The following SASH1 variants were observed in gnomAD, a reference collection of about 807,000 sequenced individuals.
SASH1 encodes SAM and SH3 domain containing 1, also known as SAM and SH3 domain-containing protein 1.
In SASH1, 44 loss-of-function variants were observed where a neutral mutation model predicts 125.2. The observed-to-expected ratio is 0.35, with a 90% CI of 0.28 to 0.45. SASH1 has a LOEUF of 0.45. SASH1 is among the 20% of genes least tolerant of loss of function. The probability of loss-of-function intolerance (pLI) is 1.00; values close to 1 mark genes in which losing one functional copy is unlikely to be tolerated. For synonymous variants in SASH1, 639 were observed against 649.1 expected, an observed-to-expected ratio of 0.98 and a Z score of 0.24; for missense variants, 1,426 against 1,614.5, an observed-to-expected ratio of 0.88 and a Z score of 2.00.
intron 1 of SASH1, among the ~76,000 whole-genome samples, chr6:148,351,782 G>C (rs1265298557): frequency 6.8e-6 from 1 of 146,114 alleles, no homozygotes; most frequent in Non-Finnish European, 1.5e-5. Context: ...GCCAACAATT[G>C]TTTTTAACCT....
intron 2 of SASH1, among the ~76,000 whole-genome samples, chr6:148,411,286 A>G (rs1784620662): frequency 6.6e-6 from 1 of 152,022 alleles, no homozygotes; most frequent in Non-Finnish European, 1.5e-5. Context: ...ATCAGTCACT[A>G]AATATTGATT....
At position 148,544,738 on chromosome 6, in the gene SASH1, G is replaced by A. The variant is rs778347430; in HGVS notation, c.3268G>A (p.Gly1090Arg). The change falls in exon 18 of 20, where the codon GGA becomes AGA. Residue 1090 changes from glycine (G) to arginine (R), a missense_variant. Physicochemically the swap from Gly to Arg is moderately radical, Grantham distance 125 (BLOSUM62 -2). This residue lies in a region of SASH1 where 634 missense variants were observed against 694.4 expected (regional missense o/e 0.91). Transcript: ENST00000367467. This position sits in a 1 kb window ranked among gnomAD's most constrained non-coding sequence, Gnocchi z 6.4. ...ALTRKVSCARGVDLETLTENK... is the reference protein window; with the variant it reads ...ALTRKVSCARRVDLETLTENK... ...GACCAGGAAGGTCTCCTGTGCCCGGGGAGTGGATCTAGAAACGCTCACTGA... is the reference window on the plus strand; with the variant it reads ...GACCAGGAAGGTCTCCTGTGCCCGGAGAGTGGATCTAGAAACGCTCACTGA... 2.5e-6 allele frequency: 4 copies of A among 1,608,394 alleles called. No homozygotes were observed. Among genetic ancestry groups the A allele is most frequent in the Non-Finnish European group, 3.4e-6 (4 of 1,177,234 alleles).
chr6:148,531,487 C>T, intron 12 of SASH1, 39 bp from the exon 13 acceptor site: 2 of 1,438,346 alleles, frequency 1.4e-6, no homozygotes, highest in Non-Finnish European at 1.8e-6. Flanking sequence ...CACCTGTCCA[C>T]TCTGATGAAC....
At chr6:148,339,004 TAAAAA>T (rs760321688), upstream of SASH1, among the ~76,000 whole-genome samples, 5 of 88,198 alleles carry the variant, frequency 5.7e-5, no homozygotes, top group Non-Finnish European at 8.3e-5. Context: ...ACTCTGTCTT[TAAAAA>T]AAAAAAAAAA....
intron 2 of SASH1, among the ~76,000 whole-genome samples, chr6:148,435,183 G>A (rs1776243006): frequency 1.3e-5 from 2 of 152,018 alleles, no homozygotes; most frequent in African/African-American, 4.8e-5. Flanking sequence ...CAAGAGACCA[G>A]CCTGGCCAAT....
chr6:148,353,460 A>G (rs1781814204), intron 1 of SASH1, among the ~76,000 whole-genome samples: 1 of 102,092 alleles, frequency 9.8e-6, no homozygotes, highest in Non-Finnish European at 2.2e-5. Context: ...TTTTTTGGAC[A>G]GAGTCTTGCT....
chr6:148,450,328 CCTT>C (rs568861667), intron 4 of SASH1, among the ~76,000 whole-genome samples: 61 of 152,242 alleles, frequency 4.0e-4, no homozygotes, highest in African/African-American at 1.3e-3. Context: ...TATCCCTAGC[CCTT>C]CTTTATTGCT....
chr6:148,374,712 G>GT (rs938677149), intron 1 of SASH1, among the ~76,000 whole-genome samples: 1 of 151,586 alleles, frequency 6.6e-6, no homozygotes, highest in Admixed American at 6.6e-5. Context: ...TTTGGGGGGG[G>GT]GGGAGATGGA....
chr6:148,536,403 G>A (rs1781849119), intron 16 of SASH1, among the ~76,000 whole-genome samples: 1 of 152,108 alleles, frequency 6.6e-6, no homozygotes, highest in African/African-American at 2.4e-5. Flanking sequence ...GCAGTGGTGC[G>A]ATCTTGGTTC....
chr6:148,251,688 A>T, the SASH1 span, among the ~76,000 whole-genome samples: 84,662 of 150,062 alleles, frequency 0.56, 23,993 homozygotes, highest in South Asian at 0.64. Context: ...TTTTTTTTTT[A>T]AATTATTATT....
chr6:148,498,894 GT>G (rs1449996849), intron 8 of SASH1, among the ~76,000 whole-genome samples: 1 of 152,102 alleles, frequency 6.6e-6, no homozygotes, highest in Non-Finnish European at 1.5e-5. Flanking sequence ...TAATGGATGG[GT>G]TGGGGAGATA....
intron 1 of SASH1, among the ~76,000 whole-genome samples, chr6:148,322,852 A>C: frequency 6.7e-6 from 1 of 150,018 alleles, no homozygotes; most frequent in African/African-American, 2.5e-5. Context: ...ATCCGTGACC[A>C]CCCATCCAAA....
At chr6:148,335,053 T>C (rs1432947619) in intron 1 of SASH1, among the ~76,000 whole-genome samples, 1 of 150,280 alleles carries the variant, frequency 6.7e-6, no homozygotes, top group Non-Finnish European at 1.5e-5. Flanking sequence ...ATCCCAGCAC[T>C]ATGGGAGGCC....
At chr6:148,461,065 G>A (rs1777591196) in intron 4 of SASH1, among the ~76,000 whole-genome samples, 2 of 152,310 alleles carry the variant, frequency 1.3e-5, no homozygotes, top group Middle Eastern at 3.4e-3. Context: ...CTTCCCCAGT[G>A]CCAGACACTG....
the SASH1 span, among the ~76,000 whole-genome samples, chr6:148,239,004 A>C: frequency 3.3e-5 from 5 of 152,314 alleles, no homozygotes; most frequent in South Asian, 1.0e-3. Flanking sequence ...GTGAATCTGC[A>C]AAGTACCGAG....
chr6:148,468,669 C>G (rs1777961262), intron 5 of SASH1, 84 bp downstream of exon 5: 2 of 843,796 alleles, frequency 2.4e-6, no homozygotes, highest in Non-Finnish European at 1.9e-6. Context: ...ACAAAACCCA[C>G]AAGAATCCTT....
At chr6:148,323,908 C>T (rs1283935139) in intron 1 of SASH1, among the ~76,000 whole-genome samples, 1 of 151,742 alleles carries the variant, frequency 6.6e-6, no homozygotes, top group African/African-American at 2.4e-5. Flanking sequence ...AGGAGGATCA[C>T]GAGGTCAGGA....
intron 7 of SASH1, among the ~76,000 whole-genome samples, chr6:148,486,752 A>C (rs1294369606): frequency 2.8e-5 from 3 of 108,586 alleles, no homozygotes; most frequent in African/African-American, 7.2e-5. Context: ...CCATCTCTAC[A>C]AAAAAAAAAA....
rs8641 is a variant in SASH1 at position 148,548,774 on chromosome 6, C to T, written c.*216C>T. ...TAAATTAGTGCGGTTCTCTTTGACC[C>T]CCAAAGACAAGACAAGCACTTATTT... On this transcript the variant is annotated 3_prime_UTR_variant, in exon 20 of 20. Transcript: ENST00000367467. 0.77 allele frequency: 372,586 copies of T among 481,462 alleles called. 144,723 individuals carry two copies. Among genetic ancestry groups the T allele is most frequent in the South Asian group, 0.79 (16,622 of 21,058 alleles). The allele number at this position is 481,462 out of a possible 1,614,324, so 29.8% of individuals were successfully genotyped here.
Sources: allele counts gnomAD v4.1 joint callset (sites outside exome capture counted in the v4.1 genomes callset), GRCh38; gene constraint gnomAD v4.1.1; regional missense constraint gnomAD v4.1.1; non-coding constraint Gnocchi (gnomAD v3.1); transcripts MANE v1.5; gene names NCBI Gene and HGNC (gene_info 2026-07-23, HGNC 2026-07-21).